Variants in PCDHGA7 observed in about 807,000 individuals in gnomAD.
The protein encoded by PCDHGA7 is protocadherin gamma subfamily A, 7.
In PCDHGA7, 44 loss-of-function variants were observed where a neutral mutation model predicts 58.3. The observed-to-expected ratio is 0.75, with a 90% CI of 0.59 to 0.97. PCDHGA7 has a LOEUF of 0.97. Ranked by LOEUF, PCDHGA7 falls within the 50% of genes least tolerant of loss-of-function variation. The pLI is 0.00. For missense variants in PCDHGA7, 1,266 were observed against 1,188.7 expected (o/e 1.06, Z -0.96); for synonymous variants, 516 against 504.2 (o/e 1.02, Z -0.31).
At chr5:141,393,890 T>C (rs1207998765) in intron 1 of PCDHGA7, 2 of 1,613,958 alleles carry the variant, frequency 1.2e-6, no homozygotes, top group South Asian at 2.2e-5. Flanking sequence ...TGTTAGAAAA[T>C]TCTCTTCCCG....
chr5:141,447,226 G>A (rs746777844), intron 1 of PCDHGA7, among the ~76,000 whole-genome samples: 1 of 151,910 alleles, frequency 6.6e-6, no homozygotes, highest in Non-Finnish European at 1.5e-5. Context: ...TGCAACCTCC[G>A]CCTCCCGGGT....
Position 141,422,340 on chromosome 5 carries a change from T to C in PCDHGA7, c.2424+37017T>C, listed in dbSNP as rs776306472. ...CAGGTACAGTGATTGCTCTTCTAAA[T>C]GTGCAAGATCAAGATTCTGGAGAAA... On this transcript the variant is annotated intron_variant, in intron 1 of 3. Transcript: ENST00000518325. 2.6e-6 allele frequency: 4 copies of C among 1,550,190 alleles called. 1 individual carries two copies. Among genetic ancestry groups the C allele is most frequent in the Non-Finnish European group, 3.5e-6 (4 of 1,154,238 alleles).
rs1233148754 is a variant in PCDHGA7, at chr5:141,428,157, T to A, written c.2424+42834T>A. ...CCTGGGGCTGCACACGGGAACCTGC[T>A]GGTTGCTGTGCGTGACGGAGGACAG... On this transcript the variant is annotated intron_variant, in intron 1 of 3. Coordinates refer to ENST00000518325, the MANE Select transcript of PCDHGA7 (RefSeq NM_018920.4). The A allele has an allele frequency of 4.4e-6, 7 of 1,575,024 alleles. No individual in the cohort carries two copies. The East Asian group carries it at 1.6e-4, about 35-fold the overall frequency.
chr5:141,398,936 A>G (rs1377976758), intron 1 of PCDHGA7: 2 of 1,613,962 alleles, frequency 1.2e-6, no homozygotes, highest in South Asian at 2.2e-5. Context: ...ACTGACCAAG[A>G]CGAGGGCATC....
In PCDHGA7 at chr5:141,489,053, G is replaced by C; in HGVS notation, c.2425-5754G>C. 1 of 473,650 alleles carries C rather than the reference G, an allele frequency of 2.1e-6. No homozygotes were observed. Among genetic ancestry groups the C allele is most frequent in the Non-Finnish European group, 3.7e-6 (1 of 270,732 alleles). The allele number at this position is 473,650 out of a possible 1,614,324, so 29.3% of individuals were successfully genotyped here. A position where few individuals can be genotyped will look rare whatever the true frequency, so the allele number is the denominator to read the frequency against. On this transcript the variant is annotated intron_variant, in intron 1 of 3. Transcript: ENST00000518325. The surrounding 1 kb of genome is among the most constrained non-coding windows in gnomAD (Gnocchi z 4.5). ...AGCTCCCCAGCTCCACTCAAATTCA[G>C]CTCCCCTCCCCCCTGCCCACCCCCG...
chr5:141,421,569 C>T (rs1029858235), intron 1 of PCDHGA7: 2 of 1,613,884 alleles, frequency 1.2e-6, no homozygotes, highest in Non-Finnish European at 1.7e-6. Flanking sequence ...TGGAAGACAC[C>T]TTGAAGATTT....
chr5:141,455,798 T>TA (rs2098831882), intron 1 of PCDHGA7, among the ~76,000 whole-genome samples: 1 of 152,036 alleles, frequency 6.6e-6, no homozygotes, highest in African/African-American at 2.4e-5. Flanking sequence ...GGAGATGCTT[T>TA]AAAAAATGAA....
At chr5:141,427,721 A>C (rs904969652) in intron 1 of PCDHGA7, 3 of 1,110,498 alleles carry the variant, frequency 2.7e-6, no homozygotes, top group Non-Finnish European at 4.0e-6. Context: ...ACCTGGACCT[A>C]GGGCTGAATG....
intron 1 of PCDHGA7, chr5:141,419,521 C>T (rs1418329404): frequency 1.2e-6 from 2 of 1,612,122 alleles, no homozygotes; most frequent in East Asian, 2.2e-5. Context: ...TGGTGGGCGA[C>T]CGTAACGACA....
Position 141,477,865 on chromosome 5 carries a change from T to A in PCDHGA7, c.2425-16942T>A, listed in dbSNP as rs1380570615. On this transcript the variant is annotated intron_variant, in intron 1 of 3. Transcript: ENST00000518325. This position sits in a 1 kb window ranked among gnomAD's most constrained non-coding sequence, Gnocchi z 4.9. ...GCTCGGTGGAGATGCTGCCTCGAGG[T>A]ACCTCAGCTGGCCACCTAGTGTCAC... 6.2e-7 allele frequency: 1 copy of A among 1,612,698 alleles called. No individual in the cohort carries two copies. Among genetic ancestry groups the A allele is most frequent in the Non-Finnish European group, 8.5e-7 (1 of 1,179,562 alleles).
chr5:141,489,431 T>C lies in PCDHGA7; in HGVS notation c.2425-5376T>C. 6.2e-7 allele frequency: 1 copy of C among 1,614,132 alleles called. No individual in the cohort carries two copies. Among genetic ancestry groups the C allele is most frequent in the Non-Finnish European group, 8.5e-7 (1 of 1,180,024 alleles). On this transcript the variant is annotated intron_variant, in intron 1 of 3. Transcript: ENST00000518325. This position sits in a 1 kb window ranked among gnomAD's most constrained non-coding sequence, Gnocchi z 4.5. ...ATGACAGATCTGTTGAGCCGGCGGC[T>C]GCAATTGGGCTCTGAGGAGAATGGG...
Position 141,415,335 on chromosome 5 carries a change from G to T in PCDHGA7, c.2424+30012G>T, listed in dbSNP as rs779617513. On this transcript the variant is annotated intron_variant, in intron 1 of 3. Coordinates refer to ENST00000518325, the MANE Select transcript of PCDHGA7 (RefSeq NM_018920.4). ...TCATCGTGCTGCTGGCGCACAGGCT[G>T]CGGCGCTGGCACAAGTCACGCCTGC... The T allele has an allele frequency of 4.3e-6, 7 of 1,614,110 alleles. No homozygotes were observed. The Admixed American group carries it at 1.2e-4, about 27-fold the overall frequency.
rs761264372 is a variant in PCDHGA7 at position 141,489,500 on chromosome 5, A to G, written c.2425-5307A>G. 12 of 1,614,112 alleles carry G rather than the reference A, an allele frequency of 7.4e-6. No individual in the cohort carries two copies. In the South Asian group the frequency reaches 1.3e-4, roughly 18 times the overall value. On this transcript the variant is annotated intron_variant, in intron 1 of 3. Coordinates refer to ENST00000518325, the MANE Select transcript of PCDHGA7 (RefSeq NM_018920.4). This position sits in a 1 kb window ranked among gnomAD's most constrained non-coding sequence, Gnocchi z 4.5. ...TTGATGAGTGGTGCCCTGGCAGTGA[A>G]TCAAAAGATTGACCGAGAAAGCCTA...
intron 1 of PCDHGA7, among the ~76,000 whole-genome samples, chr5:141,464,426 GAT>G (rs1287556960): frequency 6.6e-6 from 1 of 151,096 alleles, no homozygotes; most frequent in African/African-American, 2.4e-5. Context: ...TATATATATA[GAT>G]ATATATGTTT....
At chr5:141,404,176 A>C (rs763166170) in intron 1 of PCDHGA7, 2 of 1,613,206 alleles carry the variant, frequency 1.2e-6, no homozygotes, top group African/African-American at 2.7e-5. Context: ...TGACGGCCCA[A>C]ATTCTTGACC....
intron 1 of PCDHGA7, chr5:141,388,359 G>T: frequency 6.2e-7 from 1 of 1,614,026 alleles, no homozygotes; most frequent in South Asian, 1.1e-5. Flanking sequence ...ATCTGCCCAT[G>T]ATGCGGATAT....
chr5:141,460,157 C>T (rs1388985005), intron 1 of PCDHGA7, among the ~76,000 whole-genome samples: 1 of 151,968 alleles, frequency 6.6e-6, no homozygotes, highest in Admixed American at 6.6e-5. Context: ...CTCTTTGTCA[C>T]ATACATATTT....
intron 1 of PCDHGA7, among the ~76,000 whole-genome samples, chr5:141,438,564 T>A (rs1192918137): frequency 1.5e-5 from 2 of 137,114 alleles, no homozygotes; most frequent in Non-Finnish European, 3.1e-5. Flanking sequence ...AAGAGGCAGC[T>A]GTCTGATATA....
At chr5:141,414,788 C>T in intron 1 of PCDHGA7, 1 of 1,614,222 alleles carries the variant, frequency 6.2e-7, no homozygotes, top group Non-Finnish European at 8.5e-7. Flanking sequence ...CAGGTGACAG[C>T]CAGCGACAGC....
Sources: gnomAD v4.1 joint callset for allele counts (sites outside exome capture counted in the v4.1 genomes callset) on GRCh38, gnomAD v4.1.1 for gene constraint, Gnocchi (gnomAD v3.1) non-coding constraint, MANE v1.5 for transcripts, NCBI Gene and HGNC (gene_info 2026-07-23, HGNC 2026-07-21) for gene names.